The following CADM1 variants were observed in gnomAD, a reference collection of about 807,000 sequenced individuals.
The protein encoded by CADM1 is cell adhesion molecule 1.
CADM1 carries 15 observed loss-of-function variants against 53.1 expected under a neutral mutation model. The ratio of observed to expected loss-of-function variants is 0.28; its 90% CI spans 0.19 to 0.44. The LOEUF is 0.44. Among genes scored for constraint, CADM1 ranks in the 20% least tolerant of loss-of-function variants. The pLI is 1.00. For missense variants in CADM1, 434 were observed against 611.3 expected, an observed-to-expected ratio of 0.71 and a Z score of 3.06; for synonymous variants, 281 against 243.0, an observed-to-expected ratio of 1.16 and a Z score of -1.45.
intron 1 of CADM1, among the ~76,000 whole-genome samples, chr11:115,263,823 T>C (rs1232805578): frequency 2.0e-5 from 3 of 152,200 alleles, no homozygotes; most frequent in Non-Finnish European, 4.4e-5. Flanking sequence ...AATGAGTTAA[T>C]TGAACATTTT....
At chr11:115,186,470 T>A (rs1196293998) in intron 10 of CADM1, among the ~76,000 whole-genome samples, 1 of 152,006 alleles carries the variant, frequency 6.6e-6, no homozygotes, top group Admixed American at 6.6e-5. Flanking sequence ...GTCAAGAGGA[T>A]TACCAAAGGC....
intron 7 of CADM1, among the ~76,000 whole-genome samples, chr11:115,214,224 G>A (rs1941082163): frequency 6.6e-6 from 1 of 152,170 alleles, no homozygotes; most frequent in African/African-American, 2.4e-5. Flanking sequence ...CATCAAAGCA[G>A]GAGAAAGCTA....
intron 1 of CADM1, among the ~76,000 whole-genome samples, chr11:115,415,436 G>C (rs2135256285): frequency 6.6e-6 from 1 of 152,228 alleles, no homozygotes; most frequent in African/African-American, 2.4e-5. Context: ...GTTTTAAAGA[G>C]TCTGCTTGAG....
At chr11:115,305,841 A>G (rs1352950908) in intron 1 of CADM1, among the ~76,000 whole-genome samples, 1 of 148,816 alleles carries the variant, frequency 6.7e-6, no homozygotes, top group East Asian at 2.0e-4. Flanking sequence ...GTTCTGATCA[A>G]ATTCTGCTAC....
intron 1 of CADM1, among the ~76,000 whole-genome samples, chr11:115,305,901 A>AAAAAG (rs1491552111): frequency 3.5e-5 from 1 of 28,468 alleles, no homozygotes; most frequent in Non-Finnish European, 5.1e-5. Flanking sequence ...ACTCCATCTC[A>AAAAAG]AAAAAAAAAA....
At chr11:115,294,995 C>G (rs779360835) in intron 1 of CADM1, among the ~76,000 whole-genome samples, 1 of 152,066 alleles carries the variant, frequency 6.6e-6, no homozygotes, top group Non-Finnish European at 1.5e-5. Context: ...GCCGAGATCA[C>G]GCCACTGCAC....
rs1037061532 is a variant in CADM1 at position 115,181,758 on chromosome 11, C to A, written c.1166-2983G>T. On this transcript the variant is annotated intron_variant, in intron 10 of 11. Transcript: ENST00000331581. Reference sequence around the variant, plus strand: ...ATCTCAGTCCGTTCTTTTATTTCCACGTGTGGGGAGGGTGGGGGAGTGTTT... The same window carrying A: ...ATCTCAGTCCGTTCTTTTATTTCCAAGTGTGGGGAGGGTGGGGGAGTGTTT... 1.1e-4 allele frequency among the ~76,000 whole-genome samples: 17 copies of A among 152,174 alleles called. 1 individual carries two copies. Among genetic ancestry groups the A allele is most frequent in the African/African-American group, 4.1e-4 (17 of 41,524 alleles).
At chr11:115,365,700 C>T (rs932917507) in intron 1 of CADM1, among the ~76,000 whole-genome samples, 6 of 151,778 alleles carry the variant, frequency 4.0e-5, no homozygotes, top group Non-Finnish European at 7.4e-5. Context: ...TTTTTAATTA[C>T]CTCATATATT....
intron 1 of CADM1, among the ~76,000 whole-genome samples, chr11:115,421,417 T>A (rs1730387053): frequency 6.6e-6 from 1 of 152,234 alleles, no homozygotes; most frequent in Admixed American, 6.5e-5. Flanking sequence ...TTCTGAATTC[T>A]CGACCTGTCG....
At chr11:115,179,731 T>C (rs554136973) in intron 10 of CADM1, among the ~76,000 whole-genome samples, 5 of 152,340 alleles carry the variant, frequency 3.3e-5, no homozygotes, top group Admixed American at 2.0e-4. Flanking sequence ...TCTTTTTTTT[T>C]TATTGAGTCA....
chr11:115,471,729 T>C lies in CADM1; in HGVS notation c.124+32542A>G, dbSNP rs314498. 3.5e-3 allele frequency among the ~76,000 whole-genome samples: 538 copies of C among 152,186 alleles called. 4 individuals are homozygous for C. The highest frequency in any genetic ancestry group is 0.012 in the African/African-American group (492 of 41,518). ...ATATGGGCTGAGATCGGAGGAGAGA[T>C]GGAGTTTGTTGACTGGAGTGAACTG... On this transcript the variant is annotated intron_variant, in intron 1 of 11. Coordinates refer to ENST00000331581, the MANE Select transcript of CADM1 (RefSeq NM_001301043.2).
chr11:115,432,300 C>T (rs938165622), intron 1 of CADM1, among the ~76,000 whole-genome samples: 1 of 152,166 alleles, frequency 6.6e-6, no homozygotes, highest in Non-Finnish European at 1.5e-5. Context: ...GCCAAGTCTG[C>T]TTTCGCTCAC....
intron 1 of CADM1, among the ~76,000 whole-genome samples, chr11:115,407,627 C>T (rs1947348328): frequency 1.3e-5 from 2 of 151,994 alleles, no homozygotes; most frequent in Non-Finnish European, 2.9e-5. Flanking sequence ...GGAACGGTGG[C>T]TCATGCCTGT....
At chr11:115,493,680 G>T (rs922622530) in intron 1 of CADM1, among the ~76,000 whole-genome samples, 4 of 152,142 alleles carry the variant, frequency 2.6e-5, no homozygotes, top group African/African-American at 9.6e-5. Context: ...TTGAGGCAGT[G>T]TTACAAGGAA....
chr11:115,483,497 T>C (rs577456466), intron 1 of CADM1, among the ~76,000 whole-genome samples: 38 of 152,266 alleles, frequency 2.5e-4, no homozygotes, highest in South Asian at 1.7e-3. Flanking sequence ...AAAGGGGTAA[T>C]TCTTCAAATG....
chr11:115,479,634 C>CTG (rs1374036226), intron 1 of CADM1, among the ~76,000 whole-genome samples: 5 of 152,148 alleles, frequency 3.3e-5, no homozygotes, highest in African/African-American at 1.2e-4. Flanking sequence ...GCAACCATAA[C>CTG]TGTCCTTTTA....
intron 1 of CADM1, among the ~76,000 whole-genome samples, chr11:115,413,314 C>T (rs1947503953): frequency 6.6e-6 from 1 of 152,204 alleles, no homozygotes; most frequent in South Asian, 2.1e-4. Context: ...CAACAGAAGA[C>T]TTAACATTCT....
At chr11:115,406,712 C>T (rs1234477520) in intron 1 of CADM1, among the ~76,000 whole-genome samples, 2 of 151,036 alleles carry the variant, frequency 1.3e-5, no homozygotes, top group African/African-American at 2.4e-5. Context: ...TTTCGGAGGC[C>T]GAGGCAGGTG....
Position 115,169,897 on chromosome 11 carries a change from G to T in CADM1, c.*6577C>A, listed in dbSNP as rs571879744. On this transcript the variant is annotated 3_prime_UTR_variant, in exon 12 of 12. Transcript: ENST00000331581. ...TTTCAATATTCAGCAACCATTAAGG[G>T]ATTTAAATATTTGCTTGCTATTAAA... is the stretch of plus-strand genomic sequence containing the variant. 7.9e-6 allele frequency: 2 copies of T among 252,010 alleles called. No individual in the cohort carries two copies. Among genetic ancestry groups the T allele is most frequent in the African/African-American group, 2.2e-5 (1 of 45,212 alleles). 15.6% of individuals were successfully genotyped at this position (252,010 alleles called of 1,614,324 possible).
Sources: allele counts gnomAD v4.1 joint callset (sites outside exome capture counted in the v4.1 genomes callset), GRCh38; gene constraint gnomAD v4.1.1; transcripts MANE v1.5; gene names NCBI Gene and HGNC (gene_info 2026-07-23, HGNC 2026-07-21).